The following CDH17 variants were observed in gnomAD, a reference collection of about 807,000 sequenced individuals.
CDH17 encodes the protein cadherin-17.
In CDH17, 67 loss-of-function variants were observed where a neutral mutation model predicts 86.3. The ratio of observed to expected loss-of-function variants is 0.78; its 90% CI spans 0.64 to 0.95. The LOEUF (loss-of-function observed/expected upper bound fraction) is 0.95. Among genes scored for constraint, CDH17 ranks in the 40% least tolerant of loss-of-function variants. CDH17 has a pLI of 0.00. For synonymous variants in CDH17, 367 were observed against 366.4 expected (o/e 1.00, Z -0.02); for missense variants, 993 against 1,017.6 (o/e 0.98, Z 0.33).
intron 1 of CDH17, among the ~76,000 whole-genome samples, chr8:94,195,863 C>G (rs139958770): frequency 2.0e-5 from 3 of 152,038 alleles, no homozygotes; most frequent in African/African-American, 4.8e-5. Flanking sequence ...CAGGTTTACA[C>G]CATTCTCCTG....
chr8:94,213,264 G>A (rs1814149494), upstream of CDH17, among the ~76,000 whole-genome samples: 1 of 152,206 alleles, frequency 6.6e-6, no homozygotes, highest in Non-Finnish European at 1.5e-5. Flanking sequence ...GAGCCACCAT[G>A]CCTGGCTGGC....
chr8:94,157,430 C>G (rs1812967766), intron 12 of CDH17, among the ~76,000 whole-genome samples: 1 of 152,076 alleles, frequency 6.6e-6, no homozygotes, highest in Admixed American at 6.6e-5. Flanking sequence ...TTTGGTGTGT[C>G]CTAATCAAGA....
At chr8:94,152,228 T>C in intron 12 of CDH17, 116 bp from the exon 13 acceptor site, 1 of 1,055,846 alleles carries the variant, frequency 9.5e-7, no homozygotes, top group South Asian at 1.6e-5. Flanking sequence ...AAAAACTGGA[T>C]ATCCACATGT....
At chr8:94,174,451 C>T (rs1813332791) in intron 5 of CDH17, among the ~76,000 whole-genome samples, 191 bp from the exon 6 acceptor site, 1 of 152,146 alleles carries the variant, frequency 6.6e-6, no homozygotes, top group South Asian at 2.1e-4. Context: ...AGGTCTGGTC[C>T]AAGAACCTCT....
chr8:94,145,210 C>T (rs1298203953), intron 15 of CDH17, among the ~76,000 whole-genome samples: 5 of 152,180 alleles, frequency 3.3e-5, no homozygotes, highest in African/African-American at 1.2e-4. Context: ...CACAAATCCT[C>T]ACAGCAGCTT....
intron 10 of CDH17, among the ~76,000 whole-genome samples, chr8:94,162,999 G>A (rs532852352): frequency 4.6e-5 from 7 of 152,342 alleles, no homozygotes; most frequent in East Asian, 1.9e-4. Context: ...CTGCCACTTA[G>A]CATGTATGTG....
intron 15 of CDH17, among the ~76,000 whole-genome samples, chr8:94,145,169 T>C (rs1812716383): frequency 6.6e-6 from 1 of 152,184 alleles, no homozygotes; most frequent in African/African-American, 2.4e-5. Flanking sequence ...CCAAGAAAAC[T>C]GCAAATCTTT....
intron 13 of CDH17, among the ~76,000 whole-genome samples, chr8:94,150,321 C>T (rs376084613): frequency 3.3e-5 from 5 of 151,976 alleles, no homozygotes; most frequent in African/African-American, 1.2e-4. Context: ...GGGGCAAGGA[C>T]GAATCCAGAA....
chr8:94,173,773 G>A, intron 7 of CDH17, 24 bp downstream of exon 7: 1 of 1,590,418 alleles, frequency 6.3e-7, no homozygotes, highest in Non-Finnish European at 8.6e-7. Flanking sequence ...TTGGCTCTCA[G>A]TGTTACTTGG....
chr8:94,212,129 CA>C (rs1176050908), upstream of CDH17, among the ~76,000 whole-genome samples: 1 of 152,326 alleles, frequency 6.6e-6, no homozygotes, highest in Middle Eastern at 3.4e-3. Context: ...TAAATTTAAG[CA>C]AAACAGGTCT....
chr8:94,186,493 C>A (rs1324103100), intron 3 of CDH17, among the ~76,000 whole-genome samples: 1 of 152,148 alleles, frequency 6.6e-6, no homozygotes, highest in African/African-American at 2.4e-5. Context: ...AAGAGGCAAA[C>A]AGGCACCCCC....
chr8:94,181,563 G>A (rs1813488307), intron 3 of CDH17, among the ~76,000 whole-genome samples: 1 of 151,874 alleles, frequency 6.6e-6, no homozygotes, highest in South Asian at 2.1e-4. Flanking sequence ...GAAATCAAGG[G>A]AAATTAGAAA....
Position 94,128,188 on chromosome 8 carries a change from G to C in CDH17, c.*52C>G. The stretch of plus-strand genomic sequence containing the variant: ...AGATGAAAAGTAATAGGATGAGATG[G>C]TTGTTGCTGAAATAGCACTTGCTAT... On this transcript the variant is annotated 3_prime_UTR_variant, in exon 18 of 18. Coordinates refer to ENST00000027335, the MANE Select transcript of CDH17 (RefSeq NM_004063.4). 9.0e-7 allele frequency: 1 copy of C among 1,108,696 alleles called. No homozygotes were observed. Among genetic ancestry groups the C allele is most frequent in the South Asian group, 1.3e-5 (1 of 79,262 alleles). 68.7% of individuals were successfully genotyped at this position (1,108,696 alleles called of 1,614,324 possible). A position where few individuals can be genotyped will look rare whatever the true frequency, so the allele number is the denominator to read the frequency against.
chr8:94,148,682 AC>A, intron 14 of CDH17, 61 bp downstream of exon 14: 1 of 1,373,272 alleles, frequency 7.3e-7, no homozygotes, highest in Non-Finnish European at 9.5e-7. Flanking sequence ...TCCCATTTCA[AC>A]CCATGTATCT....
rs34298667 is a variant in CDH17, at chr8:94,202,173, A to ATT, written c.-21+6308_-21+6309dup. 9.6e-3 allele frequency: 1,370 copies of ATT among 142,516 alleles called. 18 individuals carry two copies. Among genetic ancestry groups the ATT allele is most frequent in the African/African-American group, 0.033 (1,259 of 38,456 alleles). The allele number at this position is 142,516 out of a possible 1,614,324, so 8.8% of individuals were successfully genotyped here. On this transcript the variant is annotated intron_variant, in intron 1 of 17. Coordinates refer to ENST00000027335, the MANE Select transcript of CDH17 (RefSeq NM_004063.4). ...TGGGTTTCTCACACTGCTGGTATCGATTTTTTTTTTTTTTTTGAGACAGTC... is the reference window on the plus strand; with the variant it reads ...TGGGTTTCTCACACTGCTGGTATCGATTTTTTTTTTTTTTTTTTGAGACAGTC...
chr8:94,149,544 T>C, intron 13 of CDH17, among the ~76,000 whole-genome samples: 1 of 151,884 alleles, frequency 6.6e-6, no homozygotes. Flanking sequence ...CTTTCTGAAG[T>C]AGTAGATGTT....
intron 9 of CDH17, among the ~76,000 whole-genome samples, chr8:94,168,424 T>C (rs1042932991): frequency 1.3e-5 from 2 of 151,192 alleles, no homozygotes; most frequent in Non-Finnish European, 2.9e-5. Context: ...ATTACAGGCA[T>C]GAGCCACTGC....
chr8:94,141,425 C>T (rs913124800), intron 15 of CDH17, among the ~76,000 whole-genome samples: 2 of 152,096 alleles, frequency 1.3e-5, no homozygotes, highest in East Asian at 3.9e-4. Context: ...TATTTCTGCT[C>T]TTACTACCTC....
chr8:94,197,180 C>T (rs1226885636), intron 1 of CDH17: 7 of 152,020 alleles, frequency 4.6e-5, no homozygotes, highest in Non-Finnish European at 4.4e-5. Context: ...ATTTCTCTAC[C>T]CTGAGTTGAT....
Sources: allele counts gnomAD v4.1 joint callset (sites outside exome capture counted in the v4.1 genomes callset), GRCh38; gene constraint gnomAD v4.1.1; transcripts MANE v1.5; gene names NCBI Gene and HGNC (gene_info 2026-07-23, HGNC 2026-07-21).